The following CEBPZ variants were observed in gnomAD, a reference collection of about 807,000 sequenced individuals.
CEBPZ encodes the protein CCAAT/enhancer-binding protein zeta.
In CEBPZ, 78 loss-of-function variants were observed where a neutral mutation model predicts 104.5. The observed-to-expected ratio is 0.75, with a 90% CI of 0.62 to 0.90. CEBPZ has a LOEUF of 0.90. Among genes scored for constraint, CEBPZ ranks in the 40% least tolerant of loss-of-function variants. CEBPZ has a pLI of 0.00. For synonymous variants in CEBPZ, 470 were observed against 427.0 expected, an observed-to-expected ratio of 1.10 and a Z score of -1.24; for missense variants, 1,439 against 1,233.5, an observed-to-expected ratio of 1.17 and a Z score of -2.50.
rs764059001 is a variant in CEBPZ at position 37,222,560 on chromosome 2, A to G, written c.1885T>C (p.Ser629Pro). The G allele has an allele frequency of 7.0e-6, 11 of 1,576,544 alleles. No individual in the cohort carries two copies. The highest frequency in any genetic ancestry group is 5.9e-5 in the Admixed American group (3 of 51,236). The change falls in exon 4 of 16, where the codon TCT (serine) becomes CCT (proline). Residue 629 changes from serine to proline, a missense_variant. Physicochemically the swap from Ser to Pro is moderately conservative, Grantham distance 74. Transcript: ENST00000234170. ...LRSQLDDHPE[S>P]DDEENFIDAN... ...TCAATAAAATTTTCTTCATCATCAG[A>G]CTCCTAACAAAAGTATAGTTTCATA...
intron 1 of CEBPZ, 75 bp downstream of exon 1, chr2:37,231,337 C>G: frequency 1.3e-6 from 2 of 1,570,676 alleles, no homozygotes; most frequent in South Asian, 1.1e-5. Context: ...AGCGCGGAAG[C>G]GGCGGGGCAG....
chr2:37,222,784 TG>T (rs933482911), intron 3 of CEBPZ, among the ~76,000 whole-genome samples: 1 of 152,222 alleles, frequency 6.6e-6, no homozygotes, highest in Non-Finnish European at 1.5e-5. Flanking sequence ...TAAGAACCCC[TG>T]AGCCTTAAGG....
At position 37,228,722 on chromosome 2, in the gene CEBPZ, C is replaced by T. The variant is rs766361102; in HGVS notation, c.471G>A (p.Pro157=). 24 of 1,614,052 alleles carry T rather than the reference C, an allele frequency of 1.5e-5. No individual in the cohort carries two copies. The highest frequency in any genetic ancestry group is 1.6e-4 in the Middle Eastern group (1 of 6,084). The change falls in exon 2 of 16, where the codon CCG becomes CCA. Residue 157 remains proline, a synonymous_variant. Transcript: ENST00000234170. ...PHSDENGSTT[P]KVKKDKQNIF... ...TGTTCTGTTTATCTTTCTTTACTTT[C>T]GGTGTGGTACTGCCATTCTCATCAG... is the stretch of plus-strand genomic sequence containing the variant.
chr2:37,227,510 T>C (rs1420495756), intron 2 of CEBPZ, 34 bp downstream of exon 2: 1 of 1,549,128 alleles, frequency 6.5e-7, no homozygotes, highest in Non-Finnish European at 8.7e-7. Context: ...CAAGTTATTA[T>C]TTCATGTCTC....
intron 13 of CEBPZ, chr2:37,203,462 TAAA>T (rs60652580): frequency 6.7e-6 from 1 of 150,050 alleles, no homozygotes; most frequent in Non-Finnish European, 1.5e-5. Context: ...GGTTCTCCTT[TAAA>T]AAAAAAACTT....
chr2:37,209,498 C>A (rs1180511194), intron 13 of CEBPZ: 1 of 152,156 alleles, frequency 6.6e-6, no homozygotes, highest in African/African-American at 2.4e-5. Flanking sequence ...CAAATACTTA[C>A]AACCATCTGA....
At chr2:37,217,114 C>T (rs149730574) in intron 5 of CEBPZ, 77 bp from the exon 6 acceptor site, 63 of 1,297,514 alleles carry the variant, frequency 4.9e-5, no homozygotes, top group South Asian at 3.1e-4. Context: ...TTAAGAAAAT[C>T]GGGCTGGGTG....
intron 5 of CEBPZ, among the ~76,000 whole-genome samples, chr2:37,218,953 T>C (rs181197505): frequency 6.6e-6 from 1 of 152,230 alleles, no homozygotes; most frequent in Admixed American, 6.5e-5. Context: ...CATTTCGTTA[T>C]ACTTTACCAC....
At chr2:37,220,534 T>C in intron 4 of CEBPZ, 61 bp from the exon 5 acceptor site, 1 of 802,108 alleles carries the variant, frequency 1.2e-6, no homozygotes, top group Non-Finnish European at 2.0e-6. Context: ...AAGAGGTCAT[T>C]AAAAGCACCA....
chr2:37,202,272 G>C (rs1275970227), intron 15 of CEBPZ: 1 of 159,138 alleles, frequency 6.3e-6, no homozygotes, highest in African/African-American at 2.5e-5. Context: ...CTAAATACTT[G>C]TTAATCTTAC....
chr2:37,206,437 G>A (rs761574065), intron 13 of CEBPZ, among the ~76,000 whole-genome samples: 1 of 152,150 alleles, frequency 6.6e-6, no homozygotes, highest in Non-Finnish European at 1.5e-5. Flanking sequence ...GGCTCACTGC[G>A]ACCTCTGCCT....
chr2:37,222,790 T>C (rs1477026264), intron 3 of CEBPZ, among the ~76,000 whole-genome samples: 1 of 152,224 alleles, frequency 6.6e-6, no homozygotes, highest in Non-Finnish European at 1.5e-5. Context: ...CCCCTGAGCC[T>C]TAAGGACTCT....
Position 37,217,034 on chromosome 2 carries a change from A to G in CEBPZ, c.2158T>C (p.Ser720Pro). 13 of 1,611,488 alleles carry G rather than the reference A, an allele frequency of 8.1e-6. No homozygotes were observed. The highest frequency in any genetic ancestry group is 1.1e-5 in the South Asian group (1 of 91,014). ...GCCACGGAGGGATGAAAATGCACAG[A>G]TAACTAAAAAGAAAAATGTGAATAA... Reference protein sequence around the residue: ...NTSLWELKKLSVHFHPSVALF... With the variant: ...NTSLWELKKLPVHFHPSVALF... Residue 720 changes from serine (S) to proline (P), a missense_variant, in exon 6 of 16, where the codon TCT becomes CCT. Ser to Pro is a moderately conservative substitution (Grantham distance 74). Transcript: ENST00000234170.
rs1664922958 is a variant in CEBPZ at position 37,227,655 on chromosome 2, T to C, written c.1538A>G (p.Lys513Arg). Residue 513 changes from lysine to arginine, a missense_variant, in exon 2 of 16, where the codon AAA becomes AGA. Transcript: ENST00000234170. ...ATTAAAATTCACAATATGCAACACT[T>C]TAAACAGTGTGTCAATCTGCTCCCT... The part of the protein sequence containing the change: ...KVREQIDTLF[K>R]VLHIVNFNTS... 1.2e-6 allele frequency: 2 copies of C among 1,614,068 alleles called. No homozygotes were observed. The highest frequency in any genetic ancestry group is 1.3e-5 in the African/African-American group (1 of 74,938).
Position 37,228,746 on chromosome 2 carries a change from A to T in CEBPZ, c.447T>A (p.Ser149=). 1.2e-6 allele frequency: 2 copies of T among 1,614,190 alleles called. No individual in the cohort carries two copies. The highest frequency in any genetic ancestry group is 1.7e-6 in the Non-Finnish European group (2 of 1,180,030). Reference sequence around the variant, plus strand: ...TCGGTGTGGTACTGCCATTCTCATCAGAATGTGGTTCTGGCCTATTCTTAT... The same window carrying T: ...TCGGTGTGGTACTGCCATTCTCATCTGAATGTGGTTCTGGCCTATTCTTAT... ...VKNKNRPEPH[S]DENGSTTPKV... Residue 149 remains serine (S), a synonymous_variant, in exon 2 of 16, where the codon TCT becomes TCA. Coordinates refer to ENST00000234170, the MANE Select transcript of CEBPZ (RefSeq NM_005760.3).
intron 1 of CEBPZ, among the ~76,000 whole-genome samples, chr2:37,229,440 T>G (rs1664979477): frequency 1.3e-5 from 2 of 152,218 alleles, no homozygotes; most frequent in Admixed American, 6.5e-5. Context: ...TGAAAAGATG[T>G]TCAACCTCAC....
At chr2:37,211,166 A>T in intron 12 of CEBPZ, 84 bp from the exon 13 acceptor site, 4 of 898,656 alleles carry the variant, frequency 4.5e-6, no homozygotes, top group South Asian at 1.5e-5. Context: ...TAAAATCTTT[A>T]TTCTGATGGT....
chr2:37,222,576 T>C lies in CEBPZ; in HGVS notation c.1882-13A>G, dbSNP rs367985353. 1.9e-6 allele frequency: 3 copies of C among 1,554,182 alleles called. No individual in the cohort carries two copies. The highest frequency in any genetic ancestry group is 2.3e-5 in the East Asian group (1 of 43,954). ...CATCATCAGACTCCTAACAAAAGTATAGTTTCATAAATCTACATAAATCAA... is the reference window on the plus strand; with the variant it reads ...CATCATCAGACTCCTAACAAAAGTACAGTTTCATAAATCTACATAAATCAA... On this transcript the variant is annotated splice_polypyrimidine_tract_variant and intron_variant, in intron 3 of 15. Coordinates refer to ENST00000234170, the MANE Select transcript of CEBPZ (RefSeq NM_005760.3).
rs368186609 is a variant in CEBPZ, at chr2:37,225,560, T to C, written c.1649+1984A>G. On this transcript the variant is annotated intron_variant, in intron 2 of 15. Coordinates refer to ENST00000234170, the MANE Select transcript of CEBPZ (RefSeq NM_005760.3). ...AGATGCTTGAAGGCAGCATGCTCCTTAAGAGTCATCACCACTCCCTAATCT... is the reference window on the plus strand; with the variant it reads ...AGATGCTTGAAGGCAGCATGCTCCTCAAGAGTCATCACCACTCCCTAATCT... Among the ~76,000 whole-genome samples, 122 of 123,820 alleles carry C rather than the reference T, an allele frequency of 9.9e-4. 3 individuals are homozygous for C. The East Asian group carries it at 0.023, about 23-fold the overall frequency. 81.2% of individuals were successfully genotyped at this position (123,820 alleles called of 152,430 possible). A position where few individuals can be genotyped will look rare whatever the true frequency, so the allele number is the denominator to read the frequency against.
Sources: allele counts gnomAD v4.1 joint callset (sites outside exome capture counted in the v4.1 genomes callset), GRCh38; gene constraint gnomAD v4.1.1; transcripts MANE v1.5; gene names NCBI Gene and HGNC (gene_info 2026-07-23, HGNC 2026-07-21).